MIB1: variants seen among roughly 807,000 people sequenced by gnomAD.
The protein encoded by MIB1 is E3 ubiquitin-protein ligase MIB1.
In MIB1, 278 loss-of-function variants were observed where a neutral mutation model predicts 124.5. The ratio of observed to expected loss-of-function variants is 2.23; its 90% CI spans 2.02 to 2.47. The LOEUF (loss-of-function observed/expected upper bound fraction) is 2.47, where lower values mean the gene tolerates loss of function less well. MIB1 is among the 30% of genes most tolerant of loss of function. MIB1 has a pLI of 0.00. For missense variants in MIB1, 957 were observed against 1,254.4 expected (o/e 0.76, Z 3.58); for synonymous variants, 446 against 429.4 (o/e 1.04, Z -0.48).
At chr18:21,852,297 TAGAGAGAA>T (rs2042186948) in intron 17 of MIB1, among the ~76,000 whole-genome samples, 1 of 152,158 alleles carries the variant, frequency 6.6e-6, no homozygotes, top group African/African-American at 2.4e-5. Flanking sequence ...GGAAAGTCCA[TAGAGAGAA>T]AGAGAGAGAG....
intron 1 of MIB1, among the ~76,000 whole-genome samples, chr18:21,723,454 C>T (rs929810084): frequency 2.0e-5 from 3 of 152,100 alleles, no homozygotes; most frequent in African/African-American, 7.2e-5. Context: ...CTTTTAGGGC[C>T]TCTCAGTCAA....
At chr18:21,817,479 A>G (rs1048092579) in intron 11 of MIB1, 8 of 172,684 alleles carry the variant, frequency 4.6e-5, no homozygotes, top group Admixed American at 1.2e-4. Flanking sequence ...AACATTTTCT[A>G]TATTGGGCAC....
intron 1 of MIB1, among the ~76,000 whole-genome samples, chr18:21,729,651 G>A (rs1297137206): frequency 2.0e-5 from 3 of 151,978 alleles, no homozygotes; most frequent in African/African-American, 4.8e-5. Flanking sequence ...AACCATGCCC[G>A]GCTAAGTTTT....
At chr18:21,824,652 T>C (rs2146484674) in intron 12 of MIB1, among the ~76,000 whole-genome samples, 1 of 152,208 alleles carries the variant, frequency 6.6e-6, no homozygotes, top group South Asian at 2.1e-4. Context: ...TGATAAGATA[T>C]ATATTTATAT....
intron 17 of MIB1, among the ~76,000 whole-genome samples, chr18:21,851,921 T>G (rs567816725): frequency 7.9e-5 from 12 of 152,296 alleles, no homozygotes; most frequent in Admixed American, 3.9e-4. Flanking sequence ...CAGTTTGCTG[T>G]ATTATTTTAA....
intron 12 of MIB1, chr18:21,831,105 C>CAAAAAAAAAA (rs199659946): frequency 1.6e-4 from 10 of 60,734 alleles, no homozygotes; most frequent in Non-Finnish European, 2.2e-4. Context: ...CTAAAAAAGA[C>CAAAAAAAAAA]AAAAAAAAAA....
At chr18:21,707,459 G>T (rs560884873) in intron 1 of MIB1, among the ~76,000 whole-genome samples, 2 of 152,308 alleles carry the variant, frequency 1.3e-5, no homozygotes, top group Non-Finnish European at 2.9e-5. Flanking sequence ...CGCCTTCCAC[G>T]TTGTGGAAGC....
intron 1 of MIB1, among the ~76,000 whole-genome samples, chr18:21,714,389 TA>T (rs2146354383): frequency 6.6e-6 from 1 of 151,984 alleles, no homozygotes; most frequent in South Asian, 2.1e-4. Flanking sequence ...GGGGAACAGG[TA>T]GTGTGAAATA....
intron 4 of MIB1, 151 bp from the exon 5 acceptor site, chr18:21,777,952 C>T: frequency 1.8e-6 from 1 of 561,000 alleles, no homozygotes; most frequent in East Asian, 3.0e-5. Context: ...TTTACAAGTA[C>T]TTTTGAAAGC....
chr18:21,821,305 A>G (rs940341593), intron 12 of MIB1, among the ~76,000 whole-genome samples: 2 of 152,108 alleles, frequency 1.3e-5, no homozygotes, highest in African/African-American at 4.8e-5. Context: ...ATAGAATACA[A>G]TCTACACACT....
At chr18:21,800,353 G>T (rs2187071) in intron 9 of MIB1, among the ~76,000 whole-genome samples, 1,975 of 151,866 alleles carry the variant, frequency 0.013, 53 homozygotes, top group African/African-American at 0.045. Context: ...TGAGTACATA[G>T]CAGATGTGTA....
intron 1 of MIB1, among the ~76,000 whole-genome samples, chr18:21,720,968 A>G (rs1024752526): frequency 2.0e-5 from 3 of 152,018 alleles, no homozygotes; most frequent in African/African-American, 7.2e-5. Context: ...TTATCTTAAC[A>G]AAAGAAATCT....
chr18:21,753,093 A>T (rs1345972589), intron 1 of MIB1, among the ~76,000 whole-genome samples: 2 of 152,190 alleles, frequency 1.3e-5, no homozygotes, highest in African/African-American at 4.8e-5. Flanking sequence ...AAAATTATTT[A>T]TGGAAAAATA....
intron 1 of MIB1, among the ~76,000 whole-genome samples, chr18:21,726,149 G>T (rs980922394): frequency 1.3e-5 from 2 of 152,196 alleles, no homozygotes; most frequent in African/African-American, 2.4e-5. Flanking sequence ...GGAAGCTGAG[G>T]TGGGAAGATC....
At chr18:21,784,880 T>C (rs924030829) in intron 6 of MIB1, among the ~76,000 whole-genome samples, 1 of 152,120 alleles carries the variant, frequency 6.6e-6, no homozygotes, top group Non-Finnish European at 1.5e-5. Context: ...AGATCTGACA[T>C]CAGCCAGGCC....
At chr18:21,782,029 T>C (rs1598607914) in intron 6 of MIB1, among the ~76,000 whole-genome samples, 1 of 152,290 alleles carries the variant, frequency 6.6e-6, no homozygotes, top group East Asian at 1.9e-4. Context: ...CTTTATTACT[T>C]CTTCCTTCTA....
At chr18:21,723,158 A>G (rs1011908515) in intron 1 of MIB1, among the ~76,000 whole-genome samples, 3 of 152,146 alleles carry the variant, frequency 2.0e-5, no homozygotes, top group Non-Finnish European at 4.4e-5. Flanking sequence ...CCAAAACTAT[A>G]TTATTTTGTT....
At chr18:21,848,370 C>T (rs1676110124) in intron 16 of MIB1, among the ~76,000 whole-genome samples, 1 of 151,808 alleles carries the variant, frequency 6.6e-6, no homozygotes. Flanking sequence ...ATTGCTTGAA[C>T]CGGGAGGCGG....
At chr18:21,752,305 T>C (rs1384860643) in intron 1 of MIB1, among the ~76,000 whole-genome samples, 1 of 152,208 alleles carries the variant, frequency 6.6e-6, no homozygotes, top group Non-Finnish European at 1.5e-5. Flanking sequence ...TTCAAATTAC[T>C]GAAATGTTAC....
Sources: gnomAD v4.1 joint callset for allele counts (sites outside exome capture counted in the v4.1 genomes callset) on GRCh38, gnomAD v4.1.1 for gene constraint, MANE v1.5 for transcripts, NCBI Gene and HGNC (gene_info 2026-07-23, HGNC 2026-07-21) for gene names.